Variants in AFG2A observed in about 807,000 individuals in gnomAD.
AFG2A encodes ATPase family gene 2 protein homolog A.
At chr4:123,015,792 G>C in the AFG2A span, among the ~76,000 whole-genome samples, 1 of 119,606 alleles carries the variant, frequency 8.4e-6, no homozygotes, top group African/African-American at 2.9e-5. Context: ...CTCCCGGACC[G>C]GGCGGCTCGG....
the AFG2A span, among the ~76,000 whole-genome samples, chr4:123,207,475 A>G: frequency 1.5e-3 from 222 of 151,988 alleles, no homozygotes; most frequent in Non-Finnish European, 2.6e-3. Context: ...CACCACACCC[A>G]GCTAATTTTT....
At chr4:123,302,930 G>GT in the AFG2A span, among the ~76,000 whole-genome samples, 2 of 152,042 alleles carry the variant, frequency 1.3e-5, no homozygotes, top group East Asian at 1.9e-4. Flanking sequence ...AAGCAAGACT[G>GT]TTTTTTTACT....
At chr4:123,191,680 C>T in the AFG2A span, among the ~76,000 whole-genome samples, 10 of 152,112 alleles carry the variant, frequency 6.6e-5, no homozygotes, top group Middle Eastern at 3.4e-3. Context: ...TCTATCCTAC[C>T]CATCACCTAT....
At chr4:123,215,362 T>C in the AFG2A span, among the ~76,000 whole-genome samples, 1 of 152,112 alleles carries the variant, frequency 6.6e-6, no homozygotes, top group Non-Finnish European at 1.5e-5. Flanking sequence ...TTTTAAAGGC[T>C]AGAAATTATT....
the AFG2A span, among the ~76,000 whole-genome samples, chr4:123,199,055 G>A: frequency 4.6e-5 from 7 of 152,060 alleles, 1 homozygote; most frequent in South Asian, 1.0e-3. Context: ...GAAGGCTGGC[G>A]GTCTGGGGAA....
chr4:123,206,907 GCTTT>G, the AFG2A span, among the ~76,000 whole-genome samples: 273 of 152,200 alleles, frequency 1.8e-3, 1 homozygote, highest in African/African-American at 6.2e-3. Flanking sequence ...GTTTGCTAGA[GCTTT>G]CTTTCTACTC....
the AFG2A span, among the ~76,000 whole-genome samples, chr4:123,206,967 T>C: frequency 7.7e-6 from 1 of 130,378 alleles, no homozygotes. Flanking sequence ...TTTCTTATTT[T>C]ATTTCATTCA....
chr4:123,239,265 A>G, the AFG2A span, among the ~76,000 whole-genome samples: 5 of 152,334 alleles, frequency 3.3e-5, no homozygotes, highest in South Asian at 1.0e-3. Flanking sequence ...TCTTCAGGAT[A>G]TTATCCAGGA....
chr4:123,207,570 G>C, the AFG2A span, among the ~76,000 whole-genome samples: 1 of 152,038 alleles, frequency 6.6e-6, no homozygotes. Context: ...AGTGATCCTG[G>C]CCTCCCAAAG....
chr4:123,195,873 C>T, the AFG2A span, among the ~76,000 whole-genome samples: 1 of 152,160 alleles, frequency 6.6e-6, no homozygotes, highest in Non-Finnish European at 1.5e-5. Context: ...CCCCAGCTTC[C>T]CTATATTTTT....
the AFG2A span, among the ~76,000 whole-genome samples, chr4:122,954,429 T>C: frequency 2.0e-5 from 3 of 152,206 alleles, no homozygotes; most frequent in East Asian, 5.8e-4. Context: ...GCAGGCACCA[T>C]TGGTCTGACT....
At chr4:123,060,912 A>C in the AFG2A span, among the ~76,000 whole-genome samples, 13 of 152,186 alleles carry the variant, frequency 8.5e-5, no homozygotes, top group African/African-American at 3.1e-4. Context: ...TTCTTCCACC[A>C]GATATCCCAA....
At chr4:122,938,304 G>T in the AFG2A span, 1 of 1,395,492 alleles carries the variant, frequency 7.2e-7, no homozygotes, top group Admixed American at 2.7e-5. Flanking sequence ...ATACTTATGT[G>T]TAGTGGTAAA....
chr4:122,981,229 G>A, the AFG2A span, among the ~76,000 whole-genome samples: 9 of 152,176 alleles, frequency 5.9e-5, no homozygotes, highest in African/African-American at 2.2e-4. Context: ...TTTATCATAT[G>A]GATATCATGT....
the AFG2A span, among the ~76,000 whole-genome samples, chr4:123,164,044 G>A: frequency 6.6e-6 from 1 of 152,116 alleles, no homozygotes; most frequent in East Asian, 1.9e-4. Flanking sequence ...TTATTATTGA[G>A]GTAACTTACT....
the AFG2A span, among the ~76,000 whole-genome samples, chr4:123,257,330 T>G: frequency 6.6e-6 from 1 of 152,176 alleles, no homozygotes; most frequent in Non-Finnish European, 1.5e-5. Context: ...CTCAGTACAC[T>G]CCTCAACTTA....
the AFG2A span, among the ~76,000 whole-genome samples, chr4:123,098,220 T>C: frequency 3.3e-5 from 5 of 152,194 alleles, no homozygotes; most frequent in East Asian, 7.7e-4. Flanking sequence ...ACGTTTTTGT[T>C]TCTTTTTAAA....
At chr4:123,089,059 A>G in the AFG2A span, among the ~76,000 whole-genome samples, 2 of 152,210 alleles carry the variant, frequency 1.3e-5, no homozygotes, top group African/African-American at 4.8e-5. Context: ...TTGGTCCCAT[A>G]TATTTTAAAT....
At chr4:123,057,432 T>C in the AFG2A span, 1 of 752,790 alleles carries the variant, frequency 1.3e-6, no homozygotes, top group Non-Finnish European at 2.1e-6. Context: ...TTGTAATTTT[T>C]TCCTCTTATA....
Sources: allele counts gnomAD v4.1 joint callset (sites outside exome capture counted in the v4.1 genomes callset), GRCh38; gene constraint gnomAD v4.1.1; transcripts MANE v1.5; gene names NCBI Gene and HGNC (gene_info 2026-07-23, HGNC 2026-07-21).